The following CDK5RAP1 variants were observed in gnomAD, a reference collection of about 807,000 sequenced individuals.
The protein encoded by CDK5RAP1 is mitochondrial tRNA methylthiotransferase CDK5RAP1.
In CDK5RAP1, 62 loss-of-function variants were observed where a neutral mutation model predicts 64.5. The observed-to-expected ratio is 0.96, with a 90% CI of 0.78 to 1.19. CDK5RAP1 has a LOEUF of 1.19. Ranked by LOEUF, CDK5RAP1 falls within the 50% of genes most tolerant of loss-of-function variation. The pLI is 0.00. For synonymous variants in CDK5RAP1, 250 were observed against 261.9 expected (o/e 0.95, Z 0.44); for missense variants, 657 against 735.0 (o/e 0.89, Z 1.23).
intron 1 of CDK5RAP1, among the ~76,000 whole-genome samples, chr20:33,400,283 CAG>C (rs1340298064): frequency 6.6e-6 from 1 of 152,220 alleles, no homozygotes; most frequent in African/African-American, 2.4e-5. Context: ...GTGTAAAGAG[CAG>C]ATGTGGCCCA....
intron 3 of CDK5RAP1, among the ~76,000 whole-genome samples, 190 bp downstream of exon 3, chr20:33,394,823 C>T (rs1276099780): frequency 6.6e-6 from 1 of 152,162 alleles, no homozygotes; most frequent in African/African-American, 2.4e-5. Flanking sequence ...TGTCTGAAGG[C>T]GCACATCACC....
intron 4 of CDK5RAP1, among the ~76,000 whole-genome samples, chr20:33,393,002 C>G (rs1485958806): frequency 6.6e-6 from 1 of 151,948 alleles, no homozygotes; most frequent in East Asian, 1.9e-4. Context: ...GCCTCAGCCT[C>G]CTGAGTAGCT....
chr20:33,384,687 A>G (rs1017855063), intron 7 of CDK5RAP1, among the ~76,000 whole-genome samples: 1 of 152,154 alleles, frequency 6.6e-6, no homozygotes, highest in Non-Finnish European at 1.5e-5. Flanking sequence ...GGATTACTTG[A>G]TCCCAGGAGT....
chr20:33,375,915 G>T (rs1001195827), intron 8 of CDK5RAP1, among the ~76,000 whole-genome samples: 2 of 152,144 alleles, frequency 1.3e-5, no homozygotes, highest in African/African-American at 4.8e-5. Context: ...TCGCTAGAGT[G>T]CAATGAAACT....
At chr20:33,370,136 A>G (rs1482211448) in intron 11 of CDK5RAP1, among the ~76,000 whole-genome samples, 1 of 152,138 alleles carries the variant, frequency 6.6e-6, no homozygotes, top group African/African-American at 2.4e-5. Context: ...GAAGATGACC[A>G]GGGGCCCCGG....
chr20:33,396,724 G>T, intron 2 of CDK5RAP1, 37 bp downstream of exon 2: 6 of 1,466,404 alleles, frequency 4.1e-6, no homozygotes, highest in Non-Finnish European at 5.7e-6. Flanking sequence ...GAGGAGCAAG[G>T]CAGGAAGCCC....
chr20:33,381,818 A>G (rs1986791098), intron 7 of CDK5RAP1, among the ~76,000 whole-genome samples: 1 of 152,302 alleles, frequency 6.6e-6, no homozygotes, highest in Non-Finnish European at 1.5e-5. Context: ...TCCAGTCTCC[A>G]TAAAGGCTAT....
chr20:33,394,110 T>C (rs1988635072), intron 3 of CDK5RAP1, 44 bp from the exon 4 acceptor site: 1 of 1,311,662 alleles, frequency 7.6e-7, no homozygotes, highest in Non-Finnish European at 1.1e-6. Context: ...CATAATATCT[T>C]GGATATTAGC....
rs368904466 is a variant in CDK5RAP1, at chr20:33,367,013, T to TAAA, written c.1393-8_1393-6dup. ...CCTATGATATGCCCGTGTCTTCTAT[T>TAAA]AAAAAAAAAAAAAAGAGAGAAGATG... On this transcript the variant is annotated splice_polypyrimidine_tract_variant and splice_region_variant and intron_variant, in intron 11 of 13. Transcript: ENST00000346416. 84 of 1,459,578 alleles carry TAAA rather than the reference T, an allele frequency of 5.8e-5. No homozygotes were observed. Among genetic ancestry groups the TAAA allele is most frequent in the Admixed American group, 1.0e-4 (5 of 48,592 alleles). The allele number at this position is 1,459,578 out of a possible 1,614,324, so 90.4% of individuals were successfully genotyped here.
chr20:33,390,466 A>G (rs1272936571), intron 5 of CDK5RAP1, among the ~76,000 whole-genome samples: 2 of 152,254 alleles, frequency 1.3e-5, no homozygotes, highest in Non-Finnish European at 2.9e-5. Context: ...GGCTGAGGGA[A>G]GGAGGAATGG....
intron 11 of CDK5RAP1, among the ~76,000 whole-genome samples, chr20:33,368,459 ATTTTT>A (rs35954744): frequency 1.3e-4 from 9 of 67,606 alleles, no homozygotes; most frequent in Admixed American, 8.6e-4. Context: ...CTCTCGGCTA[ATTTTT>A]TTTTTTTTTT....
chr20:33,387,653 G>A (rs965525038), intron 5 of CDK5RAP1, 120 bp from the exon 6 acceptor site: 30 of 717,944 alleles, frequency 4.2e-5, no homozygotes, highest in Non-Finnish European at 6.3e-5. Context: ...ACTTCTCTAA[G>A]AATTGAGTAT....
At chr20:33,378,447 T>C (rs577214496) in intron 8 of CDK5RAP1, among the ~76,000 whole-genome samples, 1 of 152,130 alleles carries the variant, frequency 6.6e-6, no homozygotes, top group East Asian at 1.9e-4. Context: ...AATAATGAAG[T>C]TTGAAATATT....
rs775021762 is a variant in CDK5RAP1 at position 33,374,155 on chromosome 20, G to A, written c.1165C>T (p.Gln389Ter). Residue 389 changes from glutamine to a stop codon, truncating the protein, a stop_gained, in exon 9 of 14, where the codon CAG becomes TAG. Transcript: ENST00000346416. LOFTEE classifies it high-confidence loss of function. ...TCCAACACACGGCTGCTTCCACTCT[G>A]GGCTGGCAGGTGGATCTGTTTACAG... ...NICKQIHLPA[Q>*]SGSSRVLEAM... 3.7e-6 allele frequency: 6 copies of A among 1,614,024 alleles called. No homozygotes were observed. The highest frequency in any genetic ancestry group is 4.2e-6 in the Non-Finnish European group (5 of 1,179,888).
rs1982664309 is a variant in CDK5RAP1, at chr20:33,360,337, A to G, written c.1683+14T>C. 4 of 1,612,012 alleles carry G rather than the reference A, an allele frequency of 2.5e-6. No individual in the cohort carries two copies. Among genetic ancestry groups the G allele is most frequent in the Admixed American group, 1.7e-5 (1 of 59,312 alleles). On this transcript the variant is annotated intron_variant, in intron 13 of 13. Transcript: ENST00000346416. ...TTTCACAGTGCAAGCCAAAAGCCCA[A>G]AAGGACTCCTCACCTTCACCAGCAC...
At chr20:33,376,327 A>AAAAAATAAAAAT (rs768639359) in intron 8 of CDK5RAP1, among the ~76,000 whole-genome samples, 1 of 152,120 alleles carries the variant, frequency 6.6e-6, no homozygotes, top group African/African-American at 2.4e-5. Flanking sequence ...CAGTCTCGAA[A>AAAAAATAAAAAT]AAAAATAAAA....
chr20:33,358,859 T>C lies in CDK5RAP1; in HGVS notation c.*184A>G, dbSNP rs1296534936. The C allele has an allele frequency of 1.8e-6, 1 of 553,736 alleles. No homozygotes were observed. Among genetic ancestry groups the C allele is most frequent in the African/African-American group, 1.9e-5 (1 of 52,890 alleles). The allele number at this position is 553,736 out of a possible 1,614,324, so 34.3% of individuals were successfully genotyped here. A position where few individuals can be genotyped will look rare whatever the true frequency, so the allele number is the denominator to read the frequency against. On this transcript the variant is annotated 3_prime_UTR_variant, in exon 14 of 14. Coordinates refer to ENST00000346416, the MANE Select transcript of CDK5RAP1 (RefSeq NM_016408.4). The stretch of plus-strand genomic sequence containing the variant: ...AAGGGTTAACCTTAGTTTAGGTAAA[T>C]TTAATGACTGTAAAAGCTGTTCACA...
At chr20:33,392,062 C>G in intron 5 of CDK5RAP1, 80 bp downstream of exon 5, 1 of 833,156 alleles carries the variant, frequency 1.2e-6, no homozygotes, top group Admixed American at 2.1e-5. Flanking sequence ...GGGAATCCAG[C>G]CTCTAAAGGA....
In CDK5RAP1 at chr20:33,359,069, G is replaced by A. The variant is rs1191727578; in HGVS notation, c.1738C>T (p.Leu580=). The A allele has an allele frequency of 1.9e-6, 3 of 1,613,698 alleles. No individual in the cohort carries two copies. In the African/African-American group the frequency reaches 4.0e-5, roughly 22 times the overall value. ...LRGHVLCRTT[L]RDSSAYC is the part of the protein sequence containing the mutation. Reference sequence around the variant, plus strand: ...CAGCAATATGCAGAAGAGTCCCTCAGAGTGGTCCTGCAGAGAACATGTCCC... The same window carrying A: ...CAGCAATATGCAGAAGAGTCCCTCAAAGTGGTCCTGCAGAGAACATGTCCC... Residue 580 remains leucine, a synonymous_variant, in exon 14 of 14, where the codon CTG becomes TTG. Coordinates refer to ENST00000346416, the MANE Select transcript of CDK5RAP1 (RefSeq NM_016408.4).
Sources: allele counts gnomAD v4.1 joint callset (sites outside exome capture counted in the v4.1 genomes callset), GRCh38; gene constraint gnomAD v4.1.1; transcripts MANE v1.5; gene names NCBI Gene and HGNC (gene_info 2026-07-23, HGNC 2026-07-21).